Variants in TCAF1 observed in about 807,000 individuals in gnomAD.
The protein encoded by TCAF1 is TRPM8 channel associated factor 1.
TCAF1 carries 4 observed loss-of-function variants against 27.3 expected under a neutral mutation model. The observed-to-expected ratio is 0.15, with a 90% confidence interval of 0.07 to 0.34. TCAF1 has a LOEUF of 0.34. Ranked by LOEUF, TCAF1 falls within the 10% of genes least tolerant of loss-of-function variation. The pLI is 1.00. For missense variants in TCAF1, 257 were observed against 425.8 expected (o/e 0.60, Z 3.49); for synonymous variants, 105 against 167.1 (o/e 0.63, Z 2.87).
chr7:143,876,121 T>A lies in TCAF1; in HGVS notation c.488A>T (p.Asp163Val), dbSNP rs1812684863. ...QAWDWANQGE[D>V]ERVLFTFPGN... ...AGGGAACGTGAACAGAACCCTTTCATCCTCCCCCTGGTTGGCCCAATCCCA... is the reference window on the plus strand; with the variant it reads ...AGGGAACGTGAACAGAACCCTTTCAACCTCCCCCTGGTTGGCCCAATCCCA... The change falls in exon 2 of 9, where the codon GAT becomes GTT. Residue 163 changes from aspartate to valine, a missense_variant. This residue lies in a region of TCAF1 where 255 missense variants were observed against 260.1 expected (regional missense o/e 0.98). Coordinates refer to ENST00000479870, the MANE Select transcript of TCAF1 (RefSeq NM_014719.3). The A allele has an allele frequency of 1.2e-6, 2 of 1,614,016 alleles. No individual in the cohort carries two copies. Among genetic ancestry groups the A allele is most frequent in the South Asian group, 1.1e-5 (1 of 91,088 alleles).
At chr7:143,882,884 A>C (rs558145693) in intron 1 of TCAF1, 1 of 985,164 alleles carries the variant, frequency 1.0e-6, no homozygotes, top group African/African-American at 1.7e-5. Flanking sequence ...GCTGGAGGAG[A>C]GGAGGGGTTT....
intron 2 of TCAF1, among the ~76,000 whole-genome samples, chr7:143,871,254 T>G (rs1812448861): frequency 7.3e-6 from 1 of 137,280 alleles, no homozygotes; most frequent in African/African-American, 2.7e-5. Flanking sequence ...CATCTTTTTA[T>G]GTCAGAAACT....
At chr7:143,893,648 C>T (rs147802317) in intron 1 of TCAF1, among the ~76,000 whole-genome samples, 86 of 151,988 alleles carry the variant, frequency 5.7e-4, no homozygotes, top group African/African-American at 2.0e-3. Context: ...AAGGATCACA[C>T]TTCTGAACAC....
chr7:143,891,741 A>G (rs1813644533), intron 1 of TCAF1, among the ~76,000 whole-genome samples: 1 of 152,162 alleles, frequency 6.6e-6, no homozygotes, highest in Non-Finnish European at 1.5e-5. Flanking sequence ...TAATGATTTG[A>G]AAAACATCAA....
At chr7:143,897,374 T>A (rs1234336299) in intron 1 of TCAF1, among the ~76,000 whole-genome samples, 1 of 151,488 alleles carries the variant, frequency 6.6e-6, no homozygotes, top group Non-Finnish European at 1.5e-5. Context: ...AAATATGTTT[T>A]CTCTTCCTTA....
intron 1 of TCAF1, among the ~76,000 whole-genome samples, chr7:143,883,376 C>T (rs1813188359): frequency 6.8e-6 from 1 of 146,940 alleles, no homozygotes; most frequent in African/African-American, 2.7e-5. Context: ...TTATATAACT[C>T]TGCACTGTTT....
intron 1 of TCAF1, among the ~76,000 whole-genome samples, chr7:143,896,106 T>TA (rs1296670818): frequency 6.6e-6 from 1 of 151,770 alleles, no homozygotes; most frequent in Admixed American, 6.6e-5. Context: ...TCCAGACTTT[T>TA]AAAAAATCCA....
chr7:143,898,810 C>A lies in TCAF1; in HGVS notation c.-15+3151G>T, dbSNP rs1353079807. On this transcript the variant is annotated intron_variant, in intron 1 of 8. Coordinates refer to ENST00000479870, the MANE Select transcript of TCAF1 (RefSeq NM_014719.3). ...AAAAAGCAGGTGTTGGAAACTTAAT[C>A]CCCAATGCAATGGTGTTAAGAGGTG... Among the ~76,000 whole-genome samples, 7 of 152,144 alleles carry A rather than the reference C, an allele frequency of 4.6e-5. No homozygotes were observed. The East Asian group carries it at 1.3e-3, about 29-fold the overall frequency.
At chr7:143,892,158 A>G (rs561529600) in intron 1 of TCAF1, among the ~76,000 whole-genome samples, 2 of 152,328 alleles carry the variant, frequency 1.3e-5, no homozygotes, top group East Asian at 3.9e-4. Context: ...TTAATAGAGA[A>G]CACTGAAAAG....
chr7:143,898,688 GT>G (rs906305863), intron 1 of TCAF1, among the ~76,000 whole-genome samples: 2 of 152,144 alleles, frequency 1.3e-5, no homozygotes, highest in African/African-American at 4.8e-5. Flanking sequence ...CTTAAATAGT[GT>G]CATATACCAT....
At chr7:143,859,929 A>G (rs182194236) in intron 6 of TCAF1, among the ~76,000 whole-genome samples, 2,550 of 28,804 alleles carry the variant, frequency 0.089, 321 homozygotes, top group Middle Eastern at 0.11. Flanking sequence ...TATATATTAT[A>G]TAATATATAT....
intron 2 of TCAF1, among the ~76,000 whole-genome samples, chr7:143,875,216 G>C (rs559764990): frequency 6.6e-6 from 1 of 152,250 alleles, no homozygotes; most frequent in South Asian, 2.1e-4. Flanking sequence ...ATACAACATA[G>C]AGAGTGGCCT....
At chr7:143,882,625 G>A in intron 1 of TCAF1, 3 of 981,026 alleles carry the variant, frequency 3.1e-6, no homozygotes, top group African/African-American at 1.7e-5. Flanking sequence ...ATCGCGCCCC[G>A]CACCCCCGCC....
At chr7:143,890,669 T>G (rs957713961) in intron 1 of TCAF1, among the ~76,000 whole-genome samples, 2 of 152,232 alleles carry the variant, frequency 1.3e-5, no homozygotes, top group Non-Finnish European at 2.9e-5. Context: ...TTCGGGCATT[T>G]TTCATTTTAC....
rs1814150232 is a variant in TCAF1, at chr7:143,902,128, AG to A, written c.-183del. 1.3e-5 allele frequency: 2 copies of A among 152,386 alleles called. No individual in the cohort carries two copies. The highest frequency in any genetic ancestry group is 4.8e-5 in the African/African-American group (2 of 41,516). 9.4% of individuals were successfully genotyped at this position (152,386 alleles called of 1,614,324 possible). A position where few individuals can be genotyped will look rare whatever the true frequency, so the allele number is the denominator to read the frequency against. On this transcript the variant is annotated 5_prime_UTR_variant, in exon 1 of 9. Coordinates refer to ENST00000479870, the MANE Select transcript of TCAF1 (RefSeq NM_014719.3). ...GGAGGAAGCAGCTTCTCCGCCCAGG[AG>A]GCAAAGGGCAGCGGGCTCGAAACTA...
Position 143,882,548 on chromosome 7 carries a change from G to A in TCAF1, c.-14-5926C>T, listed in dbSNP as rs186141056. 1.5e-4 allele frequency: 150 copies of A among 985,368 alleles called. 1 individual carries two copies. In the East Asian group the frequency reaches 2.3e-3, roughly 15 times the overall value. 61.0% of individuals were successfully genotyped at this position (985,368 alleles called of 1,614,324 possible). ...GAGGAAAATCACCAGCAGAAATACG[G>A]ACACAAAGGGGATTCTCTGTCCCCG... On this transcript the variant is annotated intron_variant, in intron 1 of 8. Transcript: ENST00000479870.
chr7:143,868,039 TAA>T (rs1812260330), intron 2 of TCAF1, among the ~76,000 whole-genome samples: 1 of 80,216 alleles, frequency 1.2e-5, no homozygotes, highest in Non-Finnish European at 2.7e-5. Flanking sequence ...TTCATTTCTG[TAA>T]AAAGTCTTAA....
At chr7:143,893,482 T>C (rs976655441) in intron 1 of TCAF1, among the ~76,000 whole-genome samples, 14 of 152,082 alleles carry the variant, frequency 9.2e-5, no homozygotes, top group African/African-American at 3.4e-4. Context: ...TTTTAGTGCG[T>C]GTCAAACATT....
intron 1 of TCAF1, among the ~76,000 whole-genome samples, chr7:143,897,134 AT>A (rs1813906096): frequency 7.6e-5 from 1 of 13,152 alleles, no homozygotes; most frequent in Non-Finnish European, 1.3e-4. Context: ...AATCTTGAAT[AT>A]ATATATATAT....
Sources: allele counts gnomAD v4.1 joint callset (sites outside exome capture counted in the v4.1 genomes callset), GRCh38; gene constraint gnomAD v4.1.1; regional missense constraint gnomAD v4.1.1; transcripts MANE v1.5; gene names NCBI Gene and HGNC (gene_info 2026-07-23, HGNC 2026-07-21).